The following USP48 variants were observed in gnomAD, a reference collection of about 807,000 sequenced individuals.
USP48 encodes the protein ubiquitin specific peptidase 48.
Under a neutral mutation model 150.7 loss-of-function variants are expected in USP48, and 43 were observed. The ratio of observed to expected loss-of-function variants is 0.29; its 90% CI spans 0.22 to 0.37. The LOEUF is 0.37. Among genes scored for constraint, USP48 ranks in the 10% least tolerant of loss-of-function variants. The pLI is 1.00. For missense variants in USP48, 813 were observed against 1,249.6 expected (o/e 0.65, Z 5.27); for synonymous variants, 396 against 425.9 (o/e 0.93, Z 0.86).
chr1:21,697,932 T>A (rs2097641954), intron 22 of USP48, among the ~76,000 whole-genome samples: 1 of 152,058 alleles, frequency 6.6e-6, no homozygotes, highest in Non-Finnish European at 1.5e-5. Context: ...GCCCACTGGT[T>A]TTAGAAGGCT....
At chr1:21,727,752 A>G (rs1029387471) in intron 11 of USP48, 7 of 439,368 alleles carry the variant, frequency 1.6e-5, no homozygotes, top group African/African-American at 8.5e-5. Context: ...TTTAGTTAAA[A>G]TATATTCTTA....
rs1557431358 is a variant in USP48, at chr1:21,695,225, TAATGAAGATTGGA to T, written c.2728-17_2728-5del. 6.3e-7 allele frequency: 1 copy of T among 1,599,266 alleles called. No homozygotes were observed. Among genetic ancestry groups the T allele is most frequent in the Non-Finnish European group, 8.5e-7 (1 of 1,173,898 alleles). On this transcript the variant is annotated splice_region_variant and splice_polypyrimidine_tract_variant and intron_variant, in intron 22 of 26. Transcript: ENST00000308271. Reference sequence around the variant, plus strand: ...GCCGCTTTGTTCCACCATTGCTCTATAATGAAGATTGGAAATGAAGAAAGCACTGAAATTAACC... The same window carrying T: ...GCCGCTTTGTTCCACCATTGCTCTATAATGAAGAAAGCACTGAAATTAACC...
chr1:21,773,673 C>T (rs1368109409), intron 1 of USP48, among the ~76,000 whole-genome samples: 1 of 152,154 alleles, frequency 6.6e-6, no homozygotes, highest in Non-Finnish European at 1.5e-5. Flanking sequence ...CTTTTGACAT[C>T]TATCAAAATT....
At chr1:21,768,206 C>CA (rs142268939) in intron 1 of USP48, 16,654 of 131,946 alleles carry the variant, frequency 0.13, 1,105 homozygotes, top group African/African-American at 0.2. Flanking sequence ...GACTCCGTCT[C>CA]AAAAAAAAAA....
intron 6 of USP48, among the ~76,000 whole-genome samples, chr1:21,750,225 G>A (rs1388266085): frequency 2.6e-5 from 4 of 151,662 alleles, no homozygotes; most frequent in African/African-American, 4.9e-5. Flanking sequence ...CACACTAACC[G>A]CCCCCCACCC....
chr1:21,698,010 G>A (rs1051389318), intron 22 of USP48, among the ~76,000 whole-genome samples: 4 of 152,044 alleles, frequency 2.6e-5, no homozygotes, highest in African/African-American at 9.7e-5. Context: ...GAAGTCAAAG[G>A]AGTTGGGTTG....
Position 21,777,030 on chromosome 1 carries a change from G to A in USP48, c.134+5794C>T, listed in dbSNP as rs145169263. On this transcript the variant is annotated intron_variant, in intron 1 of 26. Transcript: ENST00000308271. Reference sequence around the variant, plus strand: ...CTCAGGAGGCTGAGGCAGGAGAATCGCTTGAACATGGGAGGCGGAGGTTGC... The same window carrying A: ...CTCAGGAGGCTGAGGCAGGAGAATCACTTGAACATGGGAGGCGGAGGTTGC... Among the ~76,000 whole-genome samples, 710 of 152,000 alleles carry A rather than the reference G, an allele frequency of 4.7e-3. 4 individuals carry two copies. The highest frequency in any genetic ancestry group is 0.014 in the African/African-American group (600 of 41,472).
intron 1 of USP48, among the ~76,000 whole-genome samples, chr1:21,776,592 C>CAAAAAAAAAAAAAA (rs59309344): frequency 1.7e-5 from 1 of 57,992 alleles, no homozygotes; most frequent in African/African-American, 6.8e-5. Context: ...TGTCTTGTCT[C>CAAAAAAAAAAAAAA]AAAAAAAAAA....
chr1:21,706,952 A>C, intron 15 of USP48, 84 bp from the exon 16 acceptor site: 1 of 1,436,278 alleles, frequency 7.0e-7, no homozygotes, highest in East Asian at 2.4e-5. Flanking sequence ...AAACTTAAGA[A>C]AAATCCACAG....
chr1:21,695,034 C>A (rs752392153), intron 23 of USP48, 32 bp downstream of exon 23: 2 of 1,591,122 alleles, frequency 1.3e-6, no homozygotes, highest in Admixed American at 3.6e-5. Flanking sequence ...CCTTTTAAGT[C>A]CAGAGCAAAC....
chr1:21,767,307 C>T (rs2097864493), intron 1 of USP48, among the ~76,000 whole-genome samples: 1 of 151,864 alleles, frequency 6.6e-6, no homozygotes, highest in Non-Finnish European at 1.5e-5. Flanking sequence ...AGCCACTGTG[C>T]CTGGGACCTT....
chr1:21,680,630 T>C (rs1313999779), intron 26 of USP48, among the ~76,000 whole-genome samples, 178 bp downstream of exon 26: 3 of 152,214 alleles, frequency 2.0e-5, no homozygotes. Context: ...ATTTGAGGCC[T>C]GAGTGTTGAA....
intron 1 of USP48, among the ~76,000 whole-genome samples, chr1:21,758,419 T>G (rs1478915476): frequency 3.3e-5 from 5 of 152,116 alleles, no homozygotes; most frequent in African/African-American, 1.2e-4. Context: ...AACAAGAGAC[T>G]AATGAAATTG....
chr1:21,689,164 A>G (rs1377624753), intron 24 of USP48, among the ~76,000 whole-genome samples: 3 of 151,534 alleles, frequency 2.0e-5, no homozygotes, highest in Non-Finnish European at 4.4e-5. Flanking sequence ...TTTAAAGTAT[A>G]AAATAAGTTA....
At chr1:21,781,006 C>T (rs2097913036) in intron 1 of USP48, among the ~76,000 whole-genome samples, 1 of 150,630 alleles carries the variant, frequency 6.6e-6, no homozygotes, top group African/African-American at 2.4e-5. Flanking sequence ...TCCCAAAGTG[C>T]TGGGATTACA....
chr1:21,741,248 C>G (rs1447219343), intron 8 of USP48, among the ~76,000 whole-genome samples: 1 of 152,182 alleles, frequency 6.6e-6, no homozygotes, highest in East Asian at 1.9e-4. Context: ...AAATTGGTCA[C>G]AGTGACACTG....
At chr1:21,684,565 G>A (rs2097575647) in intron 25 of USP48, among the ~76,000 whole-genome samples, 1 of 152,098 alleles carries the variant, frequency 6.6e-6, no homozygotes, top group Admixed American at 6.6e-5. Context: ...AGTCCATTTG[G>A]TTATTTTTGG....
intron 1 of USP48, among the ~76,000 whole-genome samples, chr1:21,775,976 TTA>T (rs1315115039): frequency 1.3e-5 from 2 of 152,192 alleles, no homozygotes; most frequent in Non-Finnish European, 2.9e-5. Context: ...CCCTTTGCAC[TTA>T]GATCAGAAAG....
In USP48 at chr1:21,728,598, C is replaced by T. The variant is rs1348782157; in HGVS notation, c.1422G>A (p.Glu474=). Reference sequence around the variant, plus strand: ...CTCCAGCAGGTAACCTTTGGTACAGCTCCTTAACCTCTTCGTGTTTTGCTT... The same window carrying T: ...CTCCAGCAGGTAACCTTTGGTACAGTTCCTTAACCTCTTCGTGTTTTGCTT... ...KGKAKHEEVK[E]LYQRLPAGAE... The change falls in exon 11 of 27, where the codon GAG becomes GAA. Residue 474 remains glutamate, a synonymous_variant. Transcript: ENST00000308271. 1.2e-6 allele frequency: 2 copies of T among 1,614,100 alleles called. No individual in the cohort carries two copies. Among genetic ancestry groups the T allele is most frequent in the African/African-American group, 1.3e-5 (1 of 75,048 alleles).
Sources: allele counts gnomAD v4.1 joint callset (sites outside exome capture counted in the v4.1 genomes callset), GRCh38; gene constraint gnomAD v4.1.1; transcripts MANE v1.5; gene names NCBI Gene and HGNC (gene_info 2026-07-23, HGNC 2026-07-21).